The following ATP7B variants were observed in gnomAD, a reference collection of about 807,000 sequenced individuals.
The protein encoded by ATP7B is ATPase copper transporting beta.
Under a neutral mutation model 118.9 loss-of-function variants are expected in ATP7B, and 113 were observed. That is an observed-to-expected ratio of 0.95 (90% CI 0.82 to 1.11). The LOEUF (loss-of-function observed/expected upper bound fraction) is 1.11, where lower values mean the gene tolerates loss of function less well. ATP7B is among the 50% of genes most tolerant of loss of function. ATP7B has a pLI of 0.00. For missense variants in ATP7B, 1,867 were observed against 1,871.4 expected, an observed-to-expected ratio of 1.00 and a Z score of 0.04; for synonymous variants, 777 against 727.4, an observed-to-expected ratio of 1.07 and a Z score of -1.10.
chr13:51,996,999 C>T (rs1475510082), intron 1 of ATP7B, among the ~76,000 whole-genome samples: 1 of 152,212 alleles, frequency 6.6e-6, no homozygotes, highest in East Asian at 1.9e-4. Context: ...GAGCCCCAAC[C>T]CTAGCCTCCC....
intron 1 of ATP7B, among the ~76,000 whole-genome samples, chr13:51,977,566 G>C (rs1409095213): frequency 6.6e-6 from 1 of 151,978 alleles, no homozygotes; most frequent in African/African-American, 2.4e-5. Flanking sequence ...ACCTGCCTGA[G>C]GCTACTTTAC....
chr13:52,011,467 G>T, upstream of ATP7B: 1 of 1,202,330 alleles, frequency 8.3e-7, no homozygotes, highest in Non-Finnish European at 1.2e-6. Context: ...GGCGCGGCTC[G>T]GCTCTAAAGC....
chr13:51,964,706 A>G, intron 5 of ATP7B, 166 bp downstream of exon 5: 1 of 730,610 alleles, frequency 1.4e-6, no homozygotes, highest in East Asian at 2.8e-5. Flanking sequence ...TTTATTATTT[A>G]CTTACCTGCA....
rs1445936516 is a variant in ATP7B at position 51,961,934 on chromosome 13, G to T, written c.1870-21C>A. 3.1e-6 allele frequency: 5 copies of T among 1,599,876 alleles called. No homozygotes were observed. The African/African-American group carries it at 6.7e-5, about 21-fold the overall frequency. On this transcript the variant is annotated intron_variant, in intron 5 of 20. Transcript: ENST00000242839. ...ATTTCCTTGTCATTAAAAAGAGAGG[G>T]GTGGGGAAAAAGGAGGAAGGTACTT...
Position 51,934,761 on chromosome 13 carries a change from T to C in ATP7B, c.4393A>G (p.Ile1465Val). ...LLNGRDEEQY[I>V] ...GGCCCGCCTGCCTGAAGTCATCAGA[T>C]GTACTGCTCCTCATCCCTGCCATTC... Residue 1465 changes from isoleucine to valine, a missense_variant, in exon 21 of 21, where the codon ATC (isoleucine) becomes GTC (valine). Transcript: ENST00000242839. The C allele has an allele frequency of 5.6e-6, 9 of 1,613,708 alleles. No homozygotes were observed. Among genetic ancestry groups the C allele is most frequent in the Non-Finnish European group, 7.6e-6 (9 of 1,180,034 alleles).
chr13:51,970,777 A>G, intron 2 of ATP7B, 28 bp from the exon 3 acceptor site: 1 of 1,609,758 alleles, frequency 6.2e-7, no homozygotes, highest in Non-Finnish European at 8.5e-7. Flanking sequence ...AAAATATTCA[A>G]ATTAGAAGAG....
chr13:51,966,432 C>T (rs1427325555), intron 4 of ATP7B, among the ~76,000 whole-genome samples: 1 of 152,210 alleles, frequency 6.6e-6, no homozygotes, highest in Non-Finnish European at 1.5e-5. Context: ...TTTTTAAAGC[C>T]TACACCGCTT....
Position 51,961,897 on chromosome 13 carries a change from G to A in ATP7B, c.1886C>T (p.Ala629Val). The change falls in exon 6 of 21, where the codon GCT becomes GTT. Residue 629 changes from alanine (A) to valine (V), a missense_variant. Ala to Val is a moderately conservative substitution (Grantham distance 64). Transcript: ENST00000242839. ...GTTGGGGTTTCTCTGGGCCAGGGAA[G>A]CATGAAAGCCAATTTCCTTGTCATT... ...IKIIEEIGFH[A>V]SLAQRNPNAH... is the part of the protein sequence containing the mutation. The A allele has an allele frequency of 6.2e-7, 1 of 1,613,986 alleles. No homozygotes were observed. Among genetic ancestry groups the A allele is most frequent in the Non-Finnish European group, 8.5e-7 (1 of 1,179,858 alleles).
At chr13:52,010,619 A>G (rs1426625880) in intron 1 of ATP7B, among the ~76,000 whole-genome samples, 3 of 152,250 alleles carry the variant, frequency 2.0e-5, no homozygotes, top group African/African-American at 4.8e-5. Context: ...AGGTAAAACA[A>G]AAATTTTAAC....
At chr13:51,980,248 G>A (rs1454752397) in intron 1 of ATP7B, among the ~76,000 whole-genome samples, 1 of 152,150 alleles carries the variant, frequency 6.6e-6, no homozygotes, top group Non-Finnish European at 1.5e-5. Context: ...ACTAGATTCT[G>A]CACTCCTTAC....
At position 51,973,862 on chromosome 13, in the gene ATP7B, C is replaced by G. The variant is rs966534379; in HGVS notation, c.1285+73G>C. ...GGCAGGGAGCAGGGCTCACCTATAC[C>G]ACCATCCAGGAGCTATAAGACACAA... On this transcript the variant is annotated intron_variant, in intron 2 of 20. Transcript: ENST00000242839. 156 of 1,605,854 alleles carry G rather than the reference C, an allele frequency of 9.7e-5. No homozygotes were observed. In the South Asian group the frequency reaches 1.6e-3, roughly 16 times the overall value.
intron 1 of ATP7B, among the ~76,000 whole-genome samples, chr13:51,996,264 G>A (rs1378586953): frequency 4.6e-5 from 7 of 152,172 alleles, no homozygotes; most frequent in Non-Finnish European, 7.4e-5. Flanking sequence ...ACCACGGCCA[G>A]GAACTAAGGC....
chr13:51,957,470 G>C (rs1002721544), intron 9 of ATP7B, 46 bp downstream of exon 9: 1 of 1,566,394 alleles, frequency 6.4e-7, no homozygotes, highest in African/African-American at 1.4e-5. Flanking sequence ...AGCTCACACA[G>C]ATTGATAGAT....
chr13:51,973,962 T>C lies in ATP7B; in HGVS notation c.1258A>G (p.Met420Val), dbSNP rs1390574533. The change falls in exon 2 of 21, where the codon ATG (methionine) becomes GTG (valine). Residue 420 changes from methionine to valine, a missense_variant. Transcript: ENST00000242839. ...PEELRAAIED[M>V]GFEASVVSES... ...GAAACGACTGAAGCCTCAAATCCCA[T>C]GTCTTCTATAGCAGCTCTGAGTTCT... 15 of 1,614,130 alleles carry C rather than the reference T, an allele frequency of 9.3e-6. No individual in the cohort carries two copies. The highest frequency in any genetic ancestry group is 1.7e-5 in the Admixed American group (1 of 60,008).
At chr13:51,973,694 T>A (rs1255225930) in intron 2 of ATP7B, among the ~76,000 whole-genome samples, 1 of 152,252 alleles carries the variant, frequency 6.6e-6, no homozygotes, top group Non-Finnish European at 1.5e-5. Context: ...CATTCTGTTA[T>A]AAGCAACACA....
intron 1 of ATP7B, among the ~76,000 whole-genome samples, chr13:51,976,191 A>G (rs1290530704): frequency 6.6e-6 from 1 of 152,228 alleles, no homozygotes; most frequent in African/African-American, 2.4e-5. Context: ...ACAGGCCTTT[A>G]TACATGATAC....
intron 12 of ATP7B, among the ~76,000 whole-genome samples, chr13:51,947,586 C>A (rs1245388102): frequency 6.6e-6 from 1 of 152,168 alleles, no homozygotes; most frequent in Non-Finnish European, 1.5e-5. Context: ...TTATTTCACT[C>A]TGAAAGGCAG....
rs1345716929 is a variant in ATP7B, at chr13:51,970,656, G to A, written c.1379C>T (p.Ala460Val). The A allele has an allele frequency of 2.5e-6, 4 of 1,614,194 alleles. No individual in the cohort carries two copies. In the South Asian group the frequency reaches 3.3e-5, roughly 13 times the overall value. The part of the protein sequence containing the change: ...DGTPTSVQEV[A>V]PHTGRLPANH... ...TGCAGGGAGCCTCCCAGTGTGGGGA[G>A]CCACTTCCTGCACAGATGTAGGTGT... The change falls in exon 3 of 21, where the codon GCT becomes GTT. Residue 460 changes from alanine (A) to valine (V), a missense_variant. Ala to Val is a moderately conservative substitution (Grantham distance 64). Coordinates refer to ENST00000242839, the MANE Select transcript of ATP7B (RefSeq NM_000053.4).
chr13:51,997,357 T>C (rs1393043476), intron 1 of ATP7B, among the ~76,000 whole-genome samples: 1 of 152,220 alleles, frequency 6.6e-6, no homozygotes, highest in Non-Finnish European at 1.5e-5. Context: ...TTTTCCTTGG[T>C]GACATGAGAT....
Sources: gnomAD v4.1 joint callset for allele counts (sites outside exome capture counted in the v4.1 genomes callset) on GRCh38, gnomAD v4.1.1 for gene constraint, MANE v1.5 for transcripts, NCBI Gene and HGNC (gene_info 2026-07-23, HGNC 2026-07-21) for gene names.